The following LRRC75A variants were observed in gnomAD, a reference collection of about 807,000 sequenced individuals.
The protein encoded by LRRC75A is leucine-rich repeat-containing protein 75A.
LRRC75A carries 12 observed loss-of-function variants against 26.0 expected under a neutral mutation model. The ratio of observed to expected loss-of-function variants is 0.46; its 90% CI spans 0.30 to 0.75. The LOEUF (loss-of-function observed/expected upper bound fraction) is 0.75. Ranked by LOEUF, LRRC75A falls within the 30% of genes least tolerant of loss-of-function variation. LRRC75A has a pLI of 0.08. For missense variants in LRRC75A, 410 were observed against 486.6 expected (o/e 0.84, Z 1.48); for synonymous variants, 223 against 219.3 (o/e 1.02, Z -0.15).
rs1237113961 is a variant in LRRC75A at position 16,443,981 on chromosome 17, G to C, written c.642C>G (p.Leu214=). 6.2e-7 allele frequency: 1 copy of C among 1,613,656 alleles called. No individual in the cohort carries two copies. The highest frequency in any genetic ancestry group is 1.3e-5 in the African/African-American group (1 of 74,908). Residue 214 remains leucine, a synonymous_variant, in exon 4 of 4, where the codon CTC becomes CTG. Transcript: ENST00000470794. The part of the protein sequence containing the change: ...VDSVELGFTG[L]TDDMVLQLLP... ...GCAGCTGCAGGACCATGTCGTCCGT[G>C]AGGCCTGTGAAGCCCAGCTCCACGC...
intron 2 of LRRC75A, among the ~76,000 whole-genome samples, chr17:16,448,459 A>C (rs1039476909): frequency 6.6e-6 from 1 of 152,184 alleles, no homozygotes; most frequent in Admixed American, 6.5e-5. Context: ...TGTCTCCCTC[A>C]AAAGTGAGAA....
At chr17:16,453,434 C>T (rs916499969) in intron 2 of LRRC75A, among the ~76,000 whole-genome samples, 4 of 152,104 alleles carry the variant, frequency 2.6e-5, no homozygotes, top group Non-Finnish European at 5.9e-5. Flanking sequence ...CAGGGCCAGG[C>T]TCGGGATGGA....
intron 3 of LRRC75A, among the ~76,000 whole-genome samples, chr17:16,447,517 C>T (rs1310728498): frequency 2.6e-5 from 4 of 152,164 alleles, no homozygotes; most frequent in Admixed American, 6.5e-5. Flanking sequence ...AGGCTGGTCT[C>T]GAACTCCTGA....
At chr17:16,487,245 G>A (rs539151125) in intron 1 of LRRC75A, among the ~76,000 whole-genome samples, 8 of 152,336 alleles carry the variant, frequency 5.3e-5, no homozygotes, top group South Asian at 2.1e-4. Context: ...CAGGCCCAGC[G>A]TAGGGCCCCC....
Position 16,443,548 on chromosome 17 carries a change from A to T in LRRC75A, c.*40T>A, listed in dbSNP as rs770241988. 20 of 1,461,424 alleles carry T rather than the reference A, an allele frequency of 1.4e-5. No individual in the cohort carries two copies. The highest frequency in any genetic ancestry group is 1.8e-5 in the Non-Finnish European group (20 of 1,099,186). 90.5% of individuals were successfully genotyped at this position (1,461,424 alleles called of 1,614,324 possible). A position where few individuals can be genotyped will look rare whatever the true frequency, so the allele number is the denominator to read the frequency against. ...CTCCCCTGCCTGCCTTGCCCATTCT[A>T]CCCAACAAGGACTCCCTGGTGAGGC... On this transcript the variant is annotated 3_prime_UTR_variant, in exon 4 of 4. Coordinates refer to ENST00000470794, the MANE Select transcript of LRRC75A (RefSeq NM_001113567.3).
Position 16,462,519 on chromosome 17 carries a change from A to C in LRRC75A, c.247-133T>G. 8.2e-7 allele frequency: 1 copy of C among 1,215,944 alleles called. No homozygotes were observed. Among genetic ancestry groups the C allele is most frequent in the Non-Finnish European group, 1.1e-6 (1 of 882,200 alleles). 75.3% of individuals were successfully genotyped at this position (1,215,944 alleles called of 1,614,324 possible). A position where few individuals can be genotyped will look rare whatever the true frequency, so the allele number is the denominator to read the frequency against. On this transcript the variant is annotated intron_variant, in intron 1 of 3. Coordinates refer to ENST00000470794, the MANE Select transcript of LRRC75A (RefSeq NM_001113567.3). This position sits in a 1 kb window ranked among gnomAD's most constrained non-coding sequence, Gnocchi z 4.6. Reference sequence around the variant, plus strand: ...GAGCCCCGGTGGGGAGCATCTGCAGAACTTCCCTCAGGGGCTGGGGCAGGC... The same window carrying C: ...GAGCCCCGGTGGGGAGCATCTGCAGCACTTCCCTCAGGGGCTGGGGCAGGC...
intron 1 of LRRC75A, among the ~76,000 whole-genome samples, chr17:16,489,868 AC>A (rs1175545933): frequency 8.9e-6 from 1 of 111,864 alleles, no homozygotes; most frequent in Admixed American, 9.3e-5. Context: ...GCCCCCTCCC[AC>A]CCCCCCATCA....
chr17:16,478,909 G>A (rs969147009), intron 1 of LRRC75A, among the ~76,000 whole-genome samples: 8 of 152,210 alleles, frequency 5.3e-5, no homozygotes, highest in Admixed American at 4.6e-4. Context: ...AAACTAAATC[G>A]ACTGGAGTGA....
At chr17:16,448,114 ACAG>A in intron 2 of LRRC75A, 154 bp from the exon 3 acceptor site, 1 of 676,252 alleles carries the variant, frequency 1.5e-6, no homozygotes, top group Non-Finnish European at 2.7e-6. Flanking sequence ...CCCTAGGCAG[ACAG>A]CAGTGGCTGC....
intron 2 of LRRC75A, among the ~76,000 whole-genome samples, chr17:16,456,742 C>T (rs958382271): frequency 6.6e-6 from 1 of 152,336 alleles, no homozygotes; most frequent in African/African-American, 2.4e-5. Flanking sequence ...TGCCCGTGGG[C>T]ACCACAAGAC....
At chr17:16,459,483 G>A (rs971622708) in intron 2 of LRRC75A, among the ~76,000 whole-genome samples, 2 of 152,308 alleles carry the variant, frequency 1.3e-5, no homozygotes, top group African/African-American at 2.4e-5. Flanking sequence ...AGGAACAGAG[G>A]AGGGAGGCCC....
At position 16,445,387 on chromosome 17, in the gene LRRC75A, G is replaced by C. The variant is rs546983667; in HGVS notation, c.492-1256C>G. ...TCACTGTGTTGGCCAGGATGGTCTC[G>C]ATCTCCTGACCTCATGATCAGCCCA... is the stretch of plus-strand genomic sequence containing the variant. On this transcript the variant is annotated intron_variant, in intron 3 of 3. Coordinates refer to ENST00000470794, the MANE Select transcript of LRRC75A (RefSeq NM_001113567.3). Among the ~76,000 whole-genome samples the C allele has an allele frequency of 1.1e-4, 17 of 152,034 alleles. No homozygotes were observed. In the South Asian group the frequency reaches 2.9e-3, roughly 26 times the overall value.
intron 2 of LRRC75A, among the ~76,000 whole-genome samples, chr17:16,457,948 T>C (rs2093697953): frequency 6.6e-6 from 1 of 152,140 alleles, no homozygotes; most frequent in South Asian, 2.1e-4. Context: ...CACTCCAGCC[T>C]GGGCATCAGA....
At position 16,443,832 on chromosome 17, in the gene LRRC75A, G is replaced by T; in HGVS notation, c.791C>A (p.Thr264Lys). The change falls in exon 4 of 4, where the codon ACG becomes AAG. Residue 264 changes from threonine to lysine, a missense_variant. Physicochemically the swap from Thr to Lys is moderately conservative, Grantham distance 78. Coordinates refer to ENST00000470794, the MANE Select transcript of LRRC75A (RefSeq NM_001113567.3). ...LKDPSKFPNV[T>K]WIDLGNNVDI... The stretch of plus-strand genomic sequence containing the variant: ...CACGTTGTTGCCCAGGTCAATCCAC[G>T]TGACATTGGGGAACTTGCTGGGATC... 1 of 1,614,028 alleles carries T rather than the reference G, an allele frequency of 6.2e-7. No homozygotes were observed. The highest frequency in any genetic ancestry group is 8.5e-7 in the Non-Finnish European group (1 of 1,179,886).
At chr17:16,487,597 C>T (rs2093849613) in intron 1 of LRRC75A, among the ~76,000 whole-genome samples, 1 of 152,222 alleles carries the variant, frequency 6.6e-6, no homozygotes, top group Non-Finnish European at 1.5e-5. Flanking sequence ...CACTACCACA[C>T]TTGGCTAGTT....
At chr17:16,488,153 A>C (rs374450547) in intron 1 of LRRC75A, among the ~76,000 whole-genome samples, 190 of 152,290 alleles carry the variant, frequency 1.2e-3, no homozygotes, top group African/African-American at 4.5e-3. Flanking sequence ...GCGGAAGGTT[A>C]TTTCTTCTCC....
intron 3 of LRRC75A, among the ~76,000 whole-genome samples, chr17:16,447,644 C>G (rs544179697): frequency 6.6e-6 from 1 of 152,284 alleles, no homozygotes; most frequent in Admixed American, 6.5e-5. Flanking sequence ...AAATTTCTCA[C>G]ATCTTCCTCC....
At chr17:16,488,534 T>C (rs899993471) in intron 1 of LRRC75A, among the ~76,000 whole-genome samples, 2 of 152,190 alleles carry the variant, frequency 1.3e-5, no homozygotes, top group African/African-American at 4.8e-5. Flanking sequence ...TTTGTAGCAT[T>C]TGCTGTGCTC....
chr17:16,490,465 G>C (rs1243914951), intron 1 of LRRC75A, among the ~76,000 whole-genome samples: 1 of 152,158 alleles, frequency 6.6e-6, no homozygotes, highest in African/African-American at 2.4e-5. Context: ...CAGCGTCTCG[G>C]GCATCATTCT....
Sources: allele counts gnomAD v4.1 joint callset (sites outside exome capture counted in the v4.1 genomes callset), GRCh38; gene constraint gnomAD v4.1.1; non-coding constraint Gnocchi (gnomAD v3.1); transcripts MANE v1.5; gene names NCBI Gene and HGNC (gene_info 2026-07-23, HGNC 2026-07-21).